ROBO1: variants seen among roughly 807,000 people sequenced by gnomAD.
ROBO1 encodes the protein roundabout guidance receptor 1.
A neutral mutation model predicts 195.9 loss-of-function variants in ROBO1; 149 were observed. The observed-to-expected ratio is 0.76, with a 90% CI of 0.67 to 0.87. The LOEUF is 0.87. Among genes scored for constraint, ROBO1 ranks in the 40% least tolerant of loss-of-function variants. ROBO1 has a pLI of 0.00. For synonymous variants in ROBO1, 816 were observed against 733.2 expected (o/e 1.11, Z -1.82); for missense variants, 1,933 against 2,068.3 (o/e 0.93, Z 1.27).
At chr3:78,731,763 A>T (rs2082291603) in intron 5 of ROBO1, among the ~76,000 whole-genome samples, 1 of 152,168 alleles carries the variant, frequency 6.6e-6, no homozygotes, top group African/African-American at 2.4e-5. Context: ...TGGTGTTTCT[A>T]TAGAAATTTT....
chr3:79,380,912 G>A (rs1395299922), intron 2 of ROBO1, among the ~76,000 whole-genome samples: 1 of 152,154 alleles, frequency 6.6e-6, no homozygotes, highest in African/African-American at 2.4e-5. Flanking sequence ...TCTTGAGTGA[G>A]AAGTATGTGG....
Position 79,158,912 on chromosome 3 carries a change from T to G in ROBO1, c.89-33373A>C, listed in dbSNP as rs149847009. On this transcript the variant is annotated intron_variant, in intron 2 of 30. Coordinates refer to ENST00000464233, the MANE Select transcript of ROBO1 (RefSeq NM_002941.4). ...AGTAGTCTCCACATTTAAAACAAATTTATACATTCCTATATTTAAAATAGT... is the reference window on the plus strand; with the variant it reads ...AGTAGTCTCCACATTTAAAACAAATGTATACATTCCTATATTTAAAATAGT... Among the ~76,000 whole-genome samples the G allele has an allele frequency of 9.1e-4, 139 of 152,076 alleles. 3 individuals are homozygous for G. In the East Asian group the frequency reaches 0.026, roughly 29 times the overall value.
chr3:79,503,926 T>C (rs1940254345), intron 2 of ROBO1, among the ~76,000 whole-genome samples: 1 of 152,182 alleles, frequency 6.6e-6, no homozygotes, highest in Admixed American at 6.5e-5. Context: ...TCTTATTATC[T>C]ACATTTATCA....
At chr3:79,717,389 C>T (rs1042950483) in intron 1 of ROBO1, among the ~76,000 whole-genome samples, 1 of 151,890 alleles carries the variant, frequency 6.6e-6, no homozygotes, top group Non-Finnish European at 1.5e-5. Context: ...AAATGCCAGA[C>T]AATTGCATTT....
intron 1 of ROBO1, among the ~76,000 whole-genome samples, chr3:79,687,992 T>C (rs1297022470): frequency 6.6e-6 from 1 of 151,938 alleles, no homozygotes; most frequent in Non-Finnish European, 1.5e-5. Context: ...AATGATAGAC[T>C]GGATTAAGAA....
At chr3:78,752,554 G>A (rs926821275) in intron 4 of ROBO1, among the ~76,000 whole-genome samples, 2 of 152,098 alleles carry the variant, frequency 1.3e-5, no homozygotes, top group Non-Finnish European at 2.9e-5. Context: ...GCACTGCCCA[G>A]AAGAACGAAG....
intron 3 of ROBO1, among the ~76,000 whole-genome samples, chr3:78,984,202 T>C (rs1037938530): frequency 6.6e-6 from 1 of 152,132 alleles, no homozygotes; most frequent in Non-Finnish European, 1.5e-5. Flanking sequence ...AGGATGATGA[T>C]GATGATGACA....
At chr3:78,878,256 C>T (rs1310445957) in intron 4 of ROBO1, among the ~76,000 whole-genome samples, 2 of 152,004 alleles carry the variant, frequency 1.3e-5, no homozygotes, top group African/African-American at 4.8e-5. Flanking sequence ...TGCCACAGAC[C>T]TTGCAAGATA....
At chr3:79,263,716 A>G (rs893529919) in intron 2 of ROBO1, among the ~76,000 whole-genome samples, 1 of 151,978 alleles carries the variant, frequency 6.6e-6, no homozygotes, top group African/African-American at 2.4e-5. Context: ...TTCCTCCATC[A>G]TCAGTCTTCC....
At chr3:79,633,117 G>C (rs1484371747) in intron 1 of ROBO1, among the ~76,000 whole-genome samples, 1 of 150,754 alleles carries the variant, frequency 6.6e-6, no homozygotes, top group East Asian at 1.9e-4. Flanking sequence ...GCAGTAGAAA[G>C]TTTCGTATAG....
intron 4 of ROBO1, among the ~76,000 whole-genome samples, chr3:78,809,338 C>T (rs936188707): frequency 2.0e-5 from 3 of 152,104 alleles, no homozygotes; most frequent in African/African-American, 7.2e-5. Flanking sequence ...TGTCAGGAAA[C>T]AACAGATGCT....
At chr3:79,443,293 A>G (rs954468606) in intron 2 of ROBO1, among the ~76,000 whole-genome samples, 1 of 152,148 alleles carries the variant, frequency 6.6e-6, no homozygotes, top group African/African-American at 2.4e-5. Context: ...TTGTCATAAG[A>G]ATTCACTCAG....
chr3:78,667,141 G>A (rs915641102), intron 14 of ROBO1, among the ~76,000 whole-genome samples: 2 of 151,918 alleles, frequency 1.3e-5, no homozygotes, highest in African/African-American at 2.4e-5. Context: ...AAGGTTGTGA[G>A]TACTGAACTT....
Position 79,118,596 on chromosome 3 carries a change from G to A in ROBO1, c.172+6860C>T, listed in dbSNP as rs1014244595. On this transcript the variant is annotated intron_variant, in intron 3 of 30. Transcript: ENST00000464233. ...TTATATTTTAAAAATTGGGCTGGGC[G>A]CGGTGGCTCACGCCTGTAATCCCAG... 1.6e-4 allele frequency among the ~76,000 whole-genome samples: 25 copies of A among 152,038 alleles called. 1 individual carries two copies. The highest frequency in any genetic ancestry group is 5.5e-4 in the African/African-American group (23 of 41,494).
At position 79,459,836 on chromosome 3, in the gene ROBO1, G is replaced by A. The variant is rs1367719999; in HGVS notation, c.88+129988C>T. On this transcript the variant is annotated intron_variant, in intron 2 of 30. Coordinates refer to ENST00000464233, the MANE Select transcript of ROBO1 (RefSeq NM_002941.4). ...ATAATAAAATAAGGTACTTTGACCC[G>A]GAACCTGGCAGCCAGGCAAAGCAAA... 4.6e-5 allele frequency among the ~76,000 whole-genome samples: 7 copies of A among 152,110 alleles called. No homozygotes were observed. In the South Asian group the frequency reaches 6.2e-4, roughly 14 times the overall value.
Position 78,597,675 on chromosome 3 carries a change from A to G in ROBO1, c.*1238T>C, listed in dbSNP as rs961020514. On this transcript the variant is annotated 3_prime_UTR_variant, in exon 31 of 31. Coordinates refer to ENST00000464233, the MANE Select transcript of ROBO1 (RefSeq NM_002941.4). Reference sequence around the variant, plus strand: ...AGTAATGCCTCTATTAGAGATTTTAAGGAAATCTTGTAGGTTTCGACATTG... The same window carrying G: ...AGTAATGCCTCTATTAGAGATTTTAGGGAAATCTTGTAGGTTTCGACATTG... 1 of 152,406 alleles carries G rather than the reference A, an allele frequency of 6.6e-6. No homozygotes were observed. Among genetic ancestry groups the G allele is most frequent in the Non-Finnish European group, 1.5e-5 (1 of 68,012 alleles). The allele number at this position is 152,406 out of a possible 1,614,324, so 9.4% of individuals were successfully genotyped here.
At chr3:79,076,402 A>G (rs2079174947) in intron 3 of ROBO1, among the ~76,000 whole-genome samples, 1 of 151,168 alleles carries the variant, frequency 6.6e-6, no homozygotes, top group African/African-American at 2.4e-5. Flanking sequence ...ACTTAAATAT[A>G]ATAAACTCAA....
intron 18 of ROBO1, among the ~76,000 whole-genome samples, chr3:78,653,053 T>A (rs927669233): frequency 5.9e-5 from 9 of 152,238 alleles, no homozygotes; most frequent in African/African-American, 2.2e-4. Flanking sequence ...TCATTAGGAT[T>A]GGTGCTTTCT....
intron 2 of ROBO1, among the ~76,000 whole-genome samples, chr3:79,338,973 C>T (rs1215600487): frequency 6.6e-6 from 1 of 152,188 alleles, no homozygotes; most frequent in Admixed American, 6.5e-5. Context: ...TTAATGGCAG[C>T]TCCACTCTTT....
Sources: gnomAD v4.1 joint callset for allele counts (sites outside exome capture counted in the v4.1 genomes callset) on GRCh38, gnomAD v4.1.1 for gene constraint, MANE v1.5 for transcripts, NCBI Gene and HGNC (gene_info 2026-07-23, HGNC 2026-07-21) for gene names.